RTL4: variants seen among roughly 807,000 people sequenced by gnomAD.
RTL4 encodes the protein retrotransposon Gag-like protein 4.
RTL4 carries 4 observed loss-of-function variants against 5.3 expected under a neutral mutation model. The ratio of observed to expected loss-of-function variants is 0.75; its 90% CI spans 0.37 to 1.72. The LOEUF (loss-of-function observed/expected upper bound fraction) is 1.72, where lower values mean the gene tolerates loss of function less well. Ranked by LOEUF, RTL4 falls within the 40% of genes most tolerant of loss-of-function variation. The pLI is 0.04. For synonymous variants in RTL4, 98 were observed against 87.3 expected, an observed-to-expected ratio of 1.12 and a Z score of -0.68; for missense variants, 260 against 227.1, an observed-to-expected ratio of 1.14 and a Z score of -0.93.
chrX:112,348,509 T>C, the RTL4 span, among the ~76,000 whole-genome samples: 1 of 108,821 alleles, frequency 9.2e-6, no homozygotes, highest in African/African-American at 3.3e-5. Flanking sequence ...CACACACACA[T>C]ACACCCACAG....
At chrX:112,313,461 C>G in the RTL4 span, among the ~76,000 whole-genome samples, 1 of 111,026 alleles carries the variant, frequency 9.0e-6, no homozygotes, top group Non-Finnish European at 1.9e-5. Flanking sequence ...GCTGTTATCT[C>G]CATTCTGCAG....
chrX:112,414,018 C>G, the RTL4 span, among the ~76,000 whole-genome samples: 1 of 110,875 alleles, frequency 9.0e-6, no homozygotes, highest in Non-Finnish European at 1.9e-5. Context: ...AAAATAGTAA[C>G]TACCTCATAG....
the RTL4 span, among the ~76,000 whole-genome samples, chrX:112,301,870 C>CAAGAGAAT: frequency 9.2e-6 from 1 of 108,286 alleles, no homozygotes; most frequent in Non-Finnish European, 1.9e-5. Flanking sequence ...GAGGCTGAGG[C>CAAGAGAAT]AAGAGAATTG....
chrX:112,381,368 C>G, the RTL4 span: 1 of 1,208,187 alleles, frequency 8.3e-7, no homozygotes, highest in East Asian at 3.0e-5. Context: ...AGAGACAAGC[C>G]TTAAAGAAAA....
At chrX:112,105,549 C>G in the RTL4 span, among the ~76,000 whole-genome samples, 1 of 110,832 alleles carries the variant, frequency 9.0e-6, no homozygotes, top group African/African-American at 3.3e-5. Flanking sequence ...TTATTTGTAC[C>G]TTCTTCAGTT....
chrX:112,309,853 TAC>T, the RTL4 span, among the ~76,000 whole-genome samples: 23 of 102,991 alleles, frequency 2.2e-4, no homozygotes, highest in African/African-American at 8.8e-4. Context: ...TACACATATA[TAC>T]ACACACATAT....
At chrX:112,167,686 T>C in the RTL4 span, among the ~76,000 whole-genome samples, 1 of 110,160 alleles carries the variant, frequency 9.1e-6, no homozygotes, top group Non-Finnish European at 1.9e-5. Flanking sequence ...TTTTTTTTTT[T>C]CCTTTTCTTT....
the RTL4 span, among the ~76,000 whole-genome samples, chrX:112,123,159 T>C: frequency 8.9e-6 from 1 of 111,970 alleles, no homozygotes; most frequent in East Asian, 2.8e-4. Flanking sequence ...TAAAATATTA[T>C]CCAACCAAAT....
At chrX:112,169,620 T>C in the RTL4 span, among the ~76,000 whole-genome samples, 2 of 111,873 alleles carry the variant, frequency 1.8e-5, no homozygotes, top group Admixed American at 9.5e-5. Context: ...GGCAAACTTA[T>C]AACTCCAAGC....
chrX:112,250,373 TG>T, the RTL4 span, among the ~76,000 whole-genome samples: 13 of 112,344 alleles, frequency 1.2e-4, no homozygotes, highest in Non-Finnish European at 5.6e-5. Flanking sequence ...GTTTTTGTTT[TG>T]TTTTTTTCTG....
chrX:112,190,161 T>A, the RTL4 span, among the ~76,000 whole-genome samples: 2 of 88,985 alleles, frequency 2.2e-5, no homozygotes, highest in South Asian at 9.8e-4. Flanking sequence ...TCTTTCTTTC[T>A]TTCTTTCTTT....
At chrX:112,406,556 C>T in the RTL4 span, among the ~76,000 whole-genome samples, 1 of 111,153 alleles carries the variant, frequency 9.0e-6, no homozygotes, top group Non-Finnish European at 1.9e-5. Flanking sequence ...TCCCACCATG[C>T]CCCCCCTCCA....
At chrX:112,330,511 A>G in the RTL4 span, among the ~76,000 whole-genome samples, 1 of 111,141 alleles carries the variant, frequency 9.0e-6, no homozygotes, top group African/African-American at 3.3e-5. Context: ...AAAAGAGGAT[A>G]CAAACAAATG....
chrX:112,123,965 A>G, the RTL4 span, among the ~76,000 whole-genome samples: 2 of 111,650 alleles, frequency 1.8e-5, no homozygotes, highest in Non-Finnish European at 3.8e-5. Flanking sequence ...TCCAGAATTA[A>G]CAAGGACCTT....
chrX:112,364,496 G>A, the RTL4 span, among the ~76,000 whole-genome samples: 2 of 111,873 alleles, frequency 1.8e-5, no homozygotes, highest in Admixed American at 1.9e-4. Context: ...TAGTAACTTA[G>A]AACTGCATTT....
chrX:112,412,106 G>C, the RTL4 span, among the ~76,000 whole-genome samples: 1 of 111,127 alleles, frequency 9.0e-6, no homozygotes, highest in African/African-American at 3.3e-5. Context: ...ATTTACAATA[G>C]CTACAAACAA....
the RTL4 span, among the ~76,000 whole-genome samples, chrX:112,392,727 GAAA>G: frequency 3.8e-4 from 42 of 111,874 alleles, no homozygotes; most frequent in African/African-American, 1.2e-3. Flanking sequence ...AGAGAAGTTG[GAAA>G]ACTTTGTCAG....
chrX:112,125,265 A>G, the RTL4 span, among the ~76,000 whole-genome samples: 1 of 111,474 alleles, frequency 9.0e-6, no homozygotes, highest in Non-Finnish European at 1.9e-5. Flanking sequence ...GGTTTCCCTT[A>G]TAGTCTGACA....
At chrX:112,396,918 G>A in the RTL4 span, among the ~76,000 whole-genome samples, 1 of 111,507 alleles carries the variant, frequency 9.0e-6, no homozygotes, top group African/African-American at 3.3e-5. Flanking sequence ...GAATTTGTCT[G>A]ATGTTTTTCT....
Sources: gnomAD v4.1 joint callset for allele counts (sites outside exome capture counted in the v4.1 genomes callset) on GRCh38, gnomAD v4.1.1 for gene constraint, MANE v1.5 for transcripts, NCBI Gene and HGNC (gene_info 2026-07-23, HGNC 2026-07-21) for gene names.